The following CNTNAP2 variants were observed in gnomAD, a reference collection of about 807,000 sequenced individuals.
The protein encoded by CNTNAP2 is contactin associated protein 2, also known as contactin-associated protein-like 2.
Under a neutral mutation model 155.2 loss-of-function variants are expected in CNTNAP2, and 98 were observed. That is an observed-to-expected ratio of 0.63 (90% CI 0.54 to 0.75). The LOEUF is 0.75. CNTNAP2 is among the 30% of genes least tolerant of loss of function. The probability of loss-of-function intolerance (pLI) is 0.00; values close to 1 mark genes in which losing one functional copy is unlikely to be tolerated. For missense variants in CNTNAP2, 1,727 were observed against 1,688.1 expected, an observed-to-expected ratio of 1.02 and a Z score of -0.40; for synonymous variants, 651 against 631.2, an observed-to-expected ratio of 1.03 and a Z score of -0.47.
chr7:146,805,360 A>G (rs899300317), intron 2 of CNTNAP2, among the ~76,000 whole-genome samples: 1 of 152,162 alleles, frequency 6.6e-6, no homozygotes, highest in Non-Finnish European at 1.5e-5. Flanking sequence ...TATAAAATTG[A>G]TAGTTGAATT....
At chr7:147,759,787 T>C (rs950470264) in intron 13 of CNTNAP2, among the ~76,000 whole-genome samples, 1 of 152,162 alleles carries the variant, frequency 6.6e-6, no homozygotes, top group Non-Finnish European at 1.5e-5. Flanking sequence ...CTCCATTTGT[T>C]TGCTCCATAA....
intron 2 of CNTNAP2, among the ~76,000 whole-genome samples, chr7:146,792,969 T>C (rs1281813345): frequency 6.6e-6 from 1 of 152,176 alleles, no homozygotes; most frequent in Non-Finnish European, 1.5e-5. Flanking sequence ...TTTTCAATTA[T>C]CTAATACCTG....
At chr7:146,983,887 A>G (rs1798067000) in intron 3 of CNTNAP2, among the ~76,000 whole-genome samples, 1 of 152,218 alleles carries the variant, frequency 6.6e-6, no homozygotes, top group Non-Finnish European at 1.5e-5. Flanking sequence ...TGTCTCTGAA[A>G]TGTTATAAAT....
chr7:147,232,913 C>A lies in CNTNAP2; in HGVS notation c.1349-67228C>A, dbSNP rs1301930463. ...CCTTGAGTGTAGATGAATGTGGTTT[C>A]TCTAGTTCAATCATAACATTAAAAT... is the stretch of plus-strand genomic sequence containing the variant. On this transcript the variant is annotated intron_variant, in intron 8 of 23. Transcript: ENST00000361727. Among the ~76,000 whole-genome samples the A allele has an allele frequency of 2.0e-5, 3 of 152,148 alleles. No individual in the cohort carries two copies. In the East Asian group the frequency reaches 5.8e-4, roughly 29 times the overall value.
rs78300065 is a variant in CNTNAP2 at position 147,754,130 on chromosome 7, C to A, written c.2098+114824C>A. 2.5e-3 allele frequency among the ~76,000 whole-genome samples: 380 copies of A among 152,226 alleles called. 1 individual carries two copies. The highest frequency in any genetic ancestry group is 8.6e-3 in the African/African-American group (359 of 41,538). ...CAGATTAAAGAGGCTCCTGCAGACA[C>A]AGGATGAGACAAATTGAAAATCAAA... On this transcript the variant is annotated intron_variant, in intron 13 of 23. Transcript: ENST00000361727.
chr7:146,391,291 C>A (rs1016679341), intron 1 of CNTNAP2, among the ~76,000 whole-genome samples: 23 of 151,798 alleles, frequency 1.5e-4, no homozygotes, highest in African/African-American at 5.6e-4. Flanking sequence ...TACTGTGATT[C>A]TGTTGGAAGA....
At chr7:146,718,787 G>A (rs963824113) in intron 1 of CNTNAP2, among the ~76,000 whole-genome samples, 7 of 151,690 alleles carry the variant, frequency 4.6e-5, no homozygotes, top group African/African-American at 1.5e-4. Context: ...AAAAAGTAAC[G>A]GTATCTTTCT....
rs1796743887 is a variant in CNTNAP2, at chr7:146,468,244, A to G, written c.98-306027A>G. ...CCACTTGTAGGTAAGAACATGCATCATGGACATAAAGATGGAGACAATAAA... is the reference window on the plus strand; with the variant it reads ...CCACTTGTAGGTAAGAACATGCATCGTGGACATAAAGATGGAGACAATAAA... On this transcript the variant is annotated intron_variant, in intron 1 of 23. Transcript: ENST00000361727. Among the ~76,000 whole-genome samples, 2 of 152,204 alleles carry G rather than the reference A, an allele frequency of 1.3e-5. 1 individual carries two copies. Among genetic ancestry groups the G allele is most frequent in the South Asian group, 4.1e-4 (2 of 4,830 alleles).
chr7:147,751,027 G>A (rs956228401), intron 13 of CNTNAP2, among the ~76,000 whole-genome samples: 2 of 151,818 alleles, frequency 1.3e-5, no homozygotes, highest in African/African-American at 2.4e-5. Flanking sequence ...GGGACACAGC[G>A]AGACTCCGTC....
At chr7:147,876,302 T>C (rs1296204852) in intron 13 of CNTNAP2, among the ~76,000 whole-genome samples, 3 of 152,208 alleles carry the variant, frequency 2.0e-5, no homozygotes, top group Non-Finnish European at 2.9e-5. Flanking sequence ...CCTCCTCTTA[T>C]TGCTTATTAT....
chr7:148,188,330 G>T (rs1174091235), intron 18 of CNTNAP2, among the ~76,000 whole-genome samples: 1 of 152,154 alleles, frequency 6.6e-6, no homozygotes. Flanking sequence ...AATTGAAATG[G>T]CCAAGTCCTT....
intron 15 of CNTNAP2, among the ~76,000 whole-genome samples, chr7:148,096,281 G>GCA (rs1216327908): frequency 2.4e-4 from 14 of 57,604 alleles, no homozygotes; most frequent in Admixed American, 1.5e-3. Context: ...ATGCATGCAT[G>GCA]TGTGTGTGTG....
intron 10 of CNTNAP2, among the ~76,000 whole-genome samples, chr7:147,479,848 T>C (rs1018995): frequency 0.2 from 30,613 of 152,016 alleles, 3,376 homozygotes; most frequent in East Asian, 0.36. Flanking sequence ...ATTACAATAG[T>C]GTTTCTAGTT....
At chr7:146,821,980 C>G (rs1220911292) in intron 2 of CNTNAP2, among the ~76,000 whole-genome samples, 2 of 151,630 alleles carry the variant, frequency 1.3e-5, no homozygotes, top group Admixed American at 1.3e-4. Context: ...GGGTATATAC[C>G]CAAAGGATTA....
chr7:146,470,898 T>C (rs904225566), intron 1 of CNTNAP2, among the ~76,000 whole-genome samples: 3 of 152,074 alleles, frequency 2.0e-5, no homozygotes, highest in Non-Finnish European at 4.4e-5. Context: ...CTGAATCCCA[T>C]GTATCTATTT....
chr7:147,276,407 C>A (rs1804897038), intron 8 of CNTNAP2, among the ~76,000 whole-genome samples: 1 of 151,626 alleles, frequency 6.6e-6, no homozygotes, highest in South Asian at 2.1e-4. Context: ...ATATCTAAGC[C>A]CAATTAAGAC....
intron 13 of CNTNAP2, among the ~76,000 whole-genome samples, chr7:147,819,983 C>A (rs1798337148): frequency 6.6e-6 from 1 of 151,954 alleles, no homozygotes; most frequent in Non-Finnish European, 1.5e-5. Flanking sequence ...TTGTATAAAT[C>A]TTTTTATAGA....
chr7:146,932,321 A>G (rs113965469), intron 3 of CNTNAP2, among the ~76,000 whole-genome samples: 8 of 151,300 alleles, frequency 5.3e-5, no homozygotes, highest in South Asian at 2.1e-4. Context: ...TATAAACAGA[A>G]CCAAAGACAA....
At chr7:146,429,063 A>T (rs770254112) in intron 1 of CNTNAP2, among the ~76,000 whole-genome samples, 1 of 151,896 alleles carries the variant, frequency 6.6e-6, no homozygotes, top group Non-Finnish European at 1.5e-5. Context: ...TGAGTTCTCT[A>T]TTATGTTCCA....
Sources: gnomAD v4.1 joint callset for allele counts (sites outside exome capture counted in the v4.1 genomes callset) on GRCh38, gnomAD v4.1.1 for gene constraint, MANE v1.5 for transcripts, NCBI Gene and HGNC (gene_info 2026-07-23, HGNC 2026-07-21) for gene names.